Variants in UCHL3 observed in about 807,000 individuals in gnomAD.
The protein encoded by UCHL3 is ubiquitin carboxyl-terminal hydrolase isozyme L3.
A neutral mutation model predicts 35.8 loss-of-function variants in UCHL3; 22 were observed. That is an observed-to-expected ratio of 0.61 (90% confidence interval 0.44 to 0.88). The LOEUF is 0.88. Among genes scored for constraint, UCHL3 ranks in the 40% least tolerant of loss-of-function variants. The probability of loss-of-function intolerance (pLI) is 0.00; values close to 1 mark genes in which losing one functional copy is unlikely to be tolerated. For synonymous variants in UCHL3, 90 were observed against 92.8 expected, an observed-to-expected ratio of 0.97 and a Z score of 0.17; for missense variants, 229 against 276.9, an observed-to-expected ratio of 0.83 and a Z score of 1.23.
At chr13:75,584,640 C>T (rs1314666684) in intron 6 of UCHL3, among the ~76,000 whole-genome samples, 2 of 152,024 alleles carry the variant, frequency 1.3e-5, no homozygotes, top group African/African-American at 4.8e-5. Context: ...GAGCTAGACT[C>T]ATATATGATC....
At chr13:75,564,957 A>G (rs954592641) in intron 3 of UCHL3, among the ~76,000 whole-genome samples, 3 of 152,038 alleles carry the variant, frequency 2.0e-5, no homozygotes, top group Non-Finnish European at 4.4e-5. Flanking sequence ...CAGCCTCCCA[A>G]AGTGCTGGGA....
At position 75,592,586 on chromosome 13, in the gene UCHL3, T is replaced by C. The variant is rs1002065371; in HGVS notation, c.475-2329T>C. Among the ~76,000 whole-genome samples, 26 of 150,166 alleles carry C rather than the reference T, an allele frequency of 1.7e-4. 1 individual carries two copies. Among genetic ancestry groups the C allele is most frequent in the Non-Finnish European group, 3.3e-4 (22 of 67,508 alleles). On this transcript the variant is annotated intron_variant, in intron 6 of 8. Coordinates refer to ENST00000377595, the MANE Select transcript of UCHL3 (RefSeq NM_006002.5). ...TTTGCTTTTTATTTATTTTTCTTGT[T>C]TTTAGTGGAATAACTTTTAAGCAAT...
chr13:75,599,971 C>T (rs1464824792), intron 7 of UCHL3, among the ~76,000 whole-genome samples: 1 of 152,218 alleles, frequency 6.6e-6, no homozygotes, highest in Non-Finnish European at 1.5e-5. Flanking sequence ...AAAAGTGCTG[C>T]TCCAGTGAAC....
At chr13:75,592,449 T>TGTATATACATATATAC (rs2032526339) in intron 6 of UCHL3, among the ~76,000 whole-genome samples, 1 of 105,564 alleles carries the variant, frequency 9.5e-6, no homozygotes, top group Admixed American at 9.7e-5. Context: ...TATATATATA[T>TGTATATACATATATAC]ATATATATAT....
chr13:75,604,174 G>T (rs1050620158), intron 7 of UCHL3, among the ~76,000 whole-genome samples: 23 of 152,262 alleles, frequency 1.5e-4, no homozygotes, highest in African/African-American at 4.8e-4. Flanking sequence ...TTGACTTTGG[G>T]TTAGCATGAG....
At chr13:75,592,416 A>ATT (rs2032503078) in intron 6 of UCHL3, among the ~76,000 whole-genome samples, 1 of 30,672 alleles carries the variant, frequency 3.3e-5, no homozygotes, top group Non-Finnish European at 5.9e-5. Context: ...TTTTTCCTTC[A>ATT]TATATATATA....
chr13:75,605,433 G>A lies in UCHL3; in HGVS notation c.610-296G>A, dbSNP rs1445827838. 3.9e-5 allele frequency among the ~76,000 whole-genome samples: 6 copies of A among 152,196 alleles called. No individual in the cohort carries two copies. In the East Asian group the frequency reaches 1.2e-3, roughly 29 times the overall value. ...TGAGATAGGAGATTTGCTTGAACCCGGAAGGCAGAGGTTGCAGTGGGCCGA... is the reference window on the plus strand; with the variant it reads ...TGAGATAGGAGATTTGCTTGAACCCAGAAGGCAGAGGTTGCAGTGGGCCGA... On this transcript the variant is annotated intron_variant, in intron 8 of 8. Coordinates refer to ENST00000377595, the MANE Select transcript of UCHL3 (RefSeq NM_006002.5).
intron 6 of UCHL3, among the ~76,000 whole-genome samples, chr13:75,570,899 A>G (rs867771108): frequency 2.6e-5 from 4 of 152,124 alleles, no homozygotes; most frequent in African/African-American, 9.7e-5. Flanking sequence ...GGGACAGAGC[A>G]GGACCCTGTC....
chr13:75,554,359 T>C (rs923473928), intron 2 of UCHL3, among the ~76,000 whole-genome samples: 6 of 152,218 alleles, frequency 3.9e-5, no homozygotes, highest in African/African-American at 1.2e-4. Flanking sequence ...ACTATAAGGA[T>C]CAAATTACTA....
intron 6 of UCHL3, among the ~76,000 whole-genome samples, chr13:75,593,604 A>T (rs998025919): frequency 6.6e-6 from 1 of 152,184 alleles, no homozygotes; most frequent in Non-Finnish European, 1.5e-5. Flanking sequence ...CTGGAGCAAC[A>T]ATAAAACTAG....
chr13:75,589,963 C>T (rs1342387711), intron 6 of UCHL3: 6 of 1,304,512 alleles, frequency 4.6e-6, no homozygotes, highest in Non-Finnish European at 6.1e-6. Flanking sequence ...TCATCACAGC[C>T]TCATTCTAGC....
intron 6 of UCHL3, among the ~76,000 whole-genome samples, chr13:75,594,012 A>AT (rs1158674952): frequency 6.6e-6 from 1 of 152,176 alleles, no homozygotes; most frequent in African/African-American, 2.4e-5. Flanking sequence ...CTCTATTTGC[A>AT]TTTTTAACAG....
intron 6 of UCHL3, among the ~76,000 whole-genome samples, chr13:75,590,804 T>C (rs1257618022): frequency 6.6e-6 from 1 of 152,184 alleles, no homozygotes; most frequent in Non-Finnish European, 1.5e-5. Flanking sequence ...TTCTCTTTCA[T>C]AGGCTAATGA....
intron 4 of UCHL3, 117 bp downstream of exon 4, chr13:75,566,968 C>T: frequency 8.4e-7 from 1 of 1,187,464 alleles, no homozygotes; most frequent in Non-Finnish European, 1.2e-6. Context: ...TTCCCTGCTT[C>T]CTTGATGATG....
At chr13:75,554,990 C>T (rs771475208) in intron 2 of UCHL3, among the ~76,000 whole-genome samples, 24 of 152,102 alleles carry the variant, frequency 1.6e-4, no homozygotes, top group African/African-American at 4.1e-4. Context: ...TGAGAACATG[C>T]GGTATTTGGT....
At chr13:75,573,042 A>G (rs1224249051) in intron 6 of UCHL3, among the ~76,000 whole-genome samples, 1 of 152,168 alleles carries the variant, frequency 6.6e-6, no homozygotes, top group East Asian at 1.9e-4. Context: ...AGGCAGGCGG[A>G]TCACCTGAGT....
intron 7 of UCHL3, among the ~76,000 whole-genome samples, chr13:75,602,903 T>C (rs573371746): frequency 1.3e-5 from 2 of 152,370 alleles, no homozygotes; most frequent in East Asian, 3.9e-4. Flanking sequence ...TAGTCTATAA[T>C]AATTGAAATT....
chr13:75,575,996 A>T (rs536062912), intron 6 of UCHL3, among the ~76,000 whole-genome samples: 1 of 152,128 alleles, frequency 6.6e-6, no homozygotes, highest in Non-Finnish European at 1.5e-5. Flanking sequence ...AGGTGATCTG[A>T]CTACCTCGGC....
chr13:75,584,029 G>C (rs182501890), intron 6 of UCHL3, among the ~76,000 whole-genome samples: 9 of 152,274 alleles, frequency 5.9e-5, no homozygotes, highest in African/African-American at 1.2e-4. Context: ...TGGGAAAGGC[G>C]TGAAGCCTGG....
Sources: gnomAD v4.1 joint callset for allele counts (sites outside exome capture counted in the v4.1 genomes callset) on GRCh38, gnomAD v4.1.1 for gene constraint, MANE v1.5 for transcripts, NCBI Gene and HGNC (gene_info 2026-07-23, HGNC 2026-07-21) for gene names.